The following PRKN variants were observed in gnomAD, a reference collection of about 807,000 sequenced individuals.
PRKN encodes the protein E3 ubiquitin-protein ligase parkin.
PRKN carries 56 observed loss-of-function variants against 59.5 expected under a neutral mutation model. The observed-to-expected ratio is 0.94, with a 90% CI of 0.76 to 1.18. The LOEUF is 1.18. PRKN is among the 50% of genes most tolerant of loss of function. The probability of loss-of-function intolerance (pLI) is 0.00; values close to 1 mark genes in which losing one functional copy is unlikely to be tolerated. For synonymous variants in PRKN, 250 were observed against 222.1 expected (o/e 1.13, Z -1.12); for missense variants, 657 against 596.4 (o/e 1.10, Z -1.06).
chr6:161,717,044 C>T (rs1187170834), intron 7 of PRKN, among the ~76,000 whole-genome samples: 4 of 152,204 alleles, frequency 2.6e-5, no homozygotes, highest in Middle Eastern at 3.2e-3. Flanking sequence ...GGCCAACACC[C>T]AGCTGTCAGA....
intron 1 of PRKN, among the ~76,000 whole-genome samples, chr6:162,557,753 A>G (rs1583799001): frequency 6.6e-6 from 1 of 152,070 alleles, no homozygotes; most frequent in Non-Finnish European, 1.5e-5. Flanking sequence ...CAAGTGATCC[A>G]CCTGCCTCGG....
chr6:161,573,945 G>A (rs1404643356), intron 7 of PRKN, among the ~76,000 whole-genome samples: 5 of 151,408 alleles, frequency 3.3e-5, no homozygotes, highest in African/African-American at 9.7e-5. Context: ...TTCAGAATGT[G>A]TATTCTGGCT....
intron 1 of PRKN, among the ~76,000 whole-genome samples, chr6:162,642,890 T>C (rs1371960751): frequency 6.6e-6 from 1 of 152,128 alleles, no homozygotes; most frequent in Non-Finnish European, 1.5e-5. Flanking sequence ...ATATTGAACA[T>C]AATTTAAATA....
intron 7 of PRKN, among the ~76,000 whole-genome samples, chr6:161,598,718 G>A (rs1216098168): frequency 1.3e-5 from 2 of 152,070 alleles, no homozygotes; most frequent in Non-Finnish European, 2.9e-5. Flanking sequence ...TATATGTTAC[G>A]AAAGTATGTA....
At chr6:162,615,572 A>G (rs1201195018) in intron 1 of PRKN, among the ~76,000 whole-genome samples, 1 of 152,182 alleles carries the variant, frequency 6.6e-6, no homozygotes, top group Non-Finnish European at 1.5e-5. Flanking sequence ...CAAGGTCAAA[A>G]GTCTCCTAGC....
At chr6:161,367,168 A>G (rs1315293676) in intron 10 of PRKN, among the ~76,000 whole-genome samples, 1 of 150,754 alleles carries the variant, frequency 6.6e-6, no homozygotes, top group Non-Finnish European at 1.5e-5. Flanking sequence ...TTTTTAGTAG[A>G]GACGGGGTTT....
chr6:161,662,369 C>T lies in PRKN; in HGVS notation c.872-92953G>A, dbSNP rs75617339. Among the ~76,000 whole-genome samples, 11 of 152,150 alleles carry T rather than the reference C, an allele frequency of 7.2e-5. No individual in the cohort carries two copies. The East Asian group carries it at 9.7e-4, about 13-fold the overall frequency. ...TCAGCAGCTTCCACAGTGACAGGAA[C>T]GGATGGGAGAATGGACTTTGTTGTT... On this transcript the variant is annotated intron_variant, in intron 7 of 11. Transcript: ENST00000366898.
At chr6:162,269,493 C>G (rs1321683403) in intron 2 of PRKN, 1 of 152,150 alleles carries the variant, frequency 6.6e-6, no homozygotes, top group Admixed American at 6.6e-5. Flanking sequence ...TTCAAACATC[C>G]CACCTTGGAT....
At chr6:162,282,765 G>A (rs1780969671) in intron 2 of PRKN, among the ~76,000 whole-genome samples, 1 of 152,128 alleles carries the variant, frequency 6.6e-6, no homozygotes, top group East Asian at 1.9e-4. Context: ...TCTGTATGTT[G>A]TATATCACTC....
chr6:161,399,483 A>C lies in PRKN; in HGVS notation c.1084-12606T>G, dbSNP rs2114975738. Among the ~76,000 whole-genome samples the C allele has an allele frequency of 6.6e-6, 1 of 152,308 alleles. No homozygotes were observed. Among genetic ancestry groups the C allele is most frequent in the African/African-American group, 2.4e-5 (1 of 41,560 alleles). ...ACACTACTGTGGGGCCAGAGCCCAGAAGTGCTCGTCCTGGCTCCTGCACCT... is the reference window on the plus strand; with the variant it reads ...ACACTACTGTGGGGCCAGAGCCCAGCAGTGCTCGTCCTGGCTCCTGCACCT... On this transcript the variant is annotated intron_variant, in intron 9 of 11. Transcript: ENST00000366898. This position sits in a 1 kb window ranked among gnomAD's most constrained non-coding sequence, Gnocchi z 4.4.
chr6:162,565,334 C>G (rs1780015256), intron 1 of PRKN, among the ~76,000 whole-genome samples: 1 of 152,066 alleles, frequency 6.6e-6, no homozygotes. Context: ...GAAGAGAAGA[C>G]AACAAAACAA....
chr6:161,992,898 C>A (rs1781703393), intron 5 of PRKN, among the ~76,000 whole-genome samples: 1 of 152,022 alleles, frequency 6.6e-6, no homozygotes, highest in Non-Finnish European at 1.5e-5. Context: ...CAAAAAATTT[C>A]TTGAGAGAAT....
At chr6:161,938,002 C>A (rs1269726000) in intron 6 of PRKN, among the ~76,000 whole-genome samples, 1 of 152,146 alleles carries the variant, frequency 6.6e-6, no homozygotes, top group Non-Finnish European at 1.5e-5. Context: ...CAGTAAAAAT[C>A]TGTCCTACTT....
At chr6:162,008,398 C>T (rs1240425122) in intron 5 of PRKN, among the ~76,000 whole-genome samples, 3 of 152,108 alleles carry the variant, frequency 2.0e-5, no homozygotes, top group Non-Finnish European at 2.9e-5. Context: ...CAATTGGTAG[C>T]AGCTACAAAA....
chr6:162,273,229 G>C (rs1377645634), intron 2 of PRKN, among the ~76,000 whole-genome samples: 1 of 152,096 alleles, frequency 6.6e-6, no homozygotes, highest in South Asian at 2.1e-4. Flanking sequence ...GGTTACCTAT[G>C]AGGGAGTAGG....
chr6:161,743,027 A>G (rs1304231677), intron 7 of PRKN, among the ~76,000 whole-genome samples: 4 of 152,186 alleles, frequency 2.6e-5, no homozygotes, highest in Admixed American at 6.5e-5. Context: ...TCTAAGAAGC[A>G]TCAGTCCCTC....
intron 6 of PRKN, among the ~76,000 whole-genome samples, chr6:161,897,308 GCTT>G (rs1562373492): frequency 6.6e-6 from 1 of 152,172 alleles, no homozygotes; most frequent in Admixed American, 6.6e-5. Flanking sequence ...GGTGTTTCAT[GCTT>G]CTTCTCTCCT....
chr6:162,690,194 G>GT (rs1777725455), intron 1 of PRKN, among the ~76,000 whole-genome samples: 1 of 151,924 alleles, frequency 6.6e-6, no homozygotes, highest in Admixed American at 6.6e-5. Context: ...GCTAAAAACA[G>GT]TAACATAAAA....
chr6:161,492,236 T>C (rs1422233331), intron 9 of PRKN, among the ~76,000 whole-genome samples: 1 of 152,210 alleles, frequency 6.6e-6, no homozygotes, highest in African/African-American at 2.4e-5. Flanking sequence ...TTGCCAATGA[T>C]TTAAAGATGT....
Sources: allele counts gnomAD v4.1 joint callset (sites outside exome capture counted in the v4.1 genomes callset), GRCh38; gene constraint gnomAD v4.1.1; non-coding constraint Gnocchi (gnomAD v3.1); transcripts MANE v1.5; gene names NCBI Gene and HGNC (gene_info 2026-07-23, HGNC 2026-07-21).